The following MYCT1 variants were observed in gnomAD, a reference collection of about 807,000 sequenced individuals.
The protein encoded by MYCT1 is myc target protein 1.
MYCT1 carries 12 observed loss-of-function variants against 15.0 expected under a neutral mutation model. The observed-to-expected ratio is 0.80, with a 90% confidence interval of 0.51 to 1.29. The LOEUF (loss-of-function observed/expected upper bound fraction) is 1.29. Ranked by LOEUF, MYCT1 falls within the 50% of genes most tolerant of loss-of-function variation. The pLI, the probability that MYCT1 is intolerant of heterozygous loss-of-function variation, is 0.00. For synonymous variants in MYCT1, 104 were observed against 102.7 expected (o/e 1.01, Z -0.07); for missense variants, 287 against 279.1 (o/e 1.03, Z -0.20).
intron 1 of MYCT1, among the ~76,000 whole-genome samples, chr6:152,707,553 A>G (rs1435057166): frequency 1.3e-5 from 2 of 151,948 alleles, no homozygotes; most frequent in Non-Finnish European, 2.9e-5. Flanking sequence ...GTGCTGTCAT[A>G]TGCAAAAATA....
chr6:152,739,503 TGA>T, the MYCT1 span, among the ~76,000 whole-genome samples: 2 of 152,084 alleles, frequency 1.3e-5, no homozygotes, highest in Middle Eastern at 7.9e-3. Context: ...TTTTGCAAGA[TGA>T]GAGTTTCTAT....
downstream of MYCT1, among the ~76,000 whole-genome samples, chr6:152,725,206 TAA>T (rs1454874865): frequency 1.3e-5 from 2 of 152,020 alleles, no homozygotes; most frequent in Non-Finnish European, 2.9e-5. Context: ...AGAAAGAAGT[TAA>T]GTTAATATAA....
At position 152,723,031 on chromosome 6, in the gene MYCT1, G is replaced by C. The variant is rs1454636407; in HGVS notation, c.*778G>C. ...TGCTGGAATTAGCCTGGCCAATCTT[G>C]GATTTTTAATGGAATATGTGGGCAC... On this transcript the variant is annotated 3_prime_UTR_variant, in exon 2 of 2. Transcript: ENST00000367245. 6.4e-6 allele frequency: 1 copy of C among 155,940 alleles called. No individual in the cohort carries two copies. Among genetic ancestry groups the C allele is most frequent in the African/African-American group, 2.4e-5 (1 of 41,492 alleles). The allele number at this position is 155,940 out of a possible 1,614,324, so 9.7% of individuals were successfully genotyped here.
chr6:152,715,493 A>G (rs2129069890), intron 1 of MYCT1, among the ~76,000 whole-genome samples: 1 of 152,328 alleles, frequency 6.6e-6, no homozygotes, highest in East Asian at 1.9e-4. Context: ...AACCTTCCAG[A>G]TATATGTTAT....
rs201979543 is a variant in MYCT1 at position 152,697,990 on chromosome 6, G to T, written c.88G>T (p.Asp30Tyr). ...QRDRIKLLFFDILVFLSVFLL... is the reference protein window; with the variant it reads ...QRDRIKLLFFYILVFLSVFLL... ...AGATAGAATCAAACTGCTTTTTTTC[G>T]ACATACTGGTTTTTCTTTCTGTTTT... Residue 30 changes from aspartate to tyrosine, a missense_variant, in exon 1 of 2, where the codon GAC becomes TAC. Coordinates refer to ENST00000367245, the MANE Select transcript of MYCT1 (RefSeq NM_025107.3). 1.9e-6 allele frequency: 3 copies of T among 1,606,922 alleles called. No individual in the cohort carries two copies. Among genetic ancestry groups the T allele is most frequent in the African/African-American group, 2.7e-5 (2 of 74,292 alleles).
At chr6:152,712,695 C>T (rs1382700391) in intron 1 of MYCT1, among the ~76,000 whole-genome samples, 1 of 152,084 alleles carries the variant, frequency 6.6e-6, no homozygotes, top group Non-Finnish European at 1.5e-5. Context: ...TTAAGGGATA[C>T]TTTTGCTGGA....
intron 1 of MYCT1, among the ~76,000 whole-genome samples, chr6:152,699,624 A>T (rs1402044824): frequency 6.6e-6 from 1 of 152,172 alleles, no homozygotes; most frequent in African/African-American, 2.4e-5. Flanking sequence ...TCTAAATCAA[A>T]TTCATCATTA....
At chr6:152,738,775 G>A in the MYCT1 span, among the ~76,000 whole-genome samples, 832 of 152,068 alleles carry the variant, frequency 5.5e-3, no homozygotes, top group South Asian at 8.7e-3. Context: ...CAGAAGGTTG[G>A]ACTAATGTGT....
At chr6:152,725,581 C>T (rs1005534538), downstream of MYCT1, among the ~76,000 whole-genome samples, 3 of 152,132 alleles carry the variant, frequency 2.0e-5, no homozygotes, top group East Asian at 1.9e-4. Flanking sequence ...CCACCATGCC[C>T]GGCCCACAAT....
At chr6:152,735,395 G>A in the MYCT1 span, among the ~76,000 whole-genome samples, 30 of 152,144 alleles carry the variant, frequency 2.0e-4, no homozygotes, top group East Asian at 5.8e-3. Flanking sequence ...TAGTAATATT[G>A]AAATTTGAAA....
chr6:152,740,120 C>T, the MYCT1 span, among the ~76,000 whole-genome samples: 3 of 152,156 alleles, frequency 2.0e-5, no homozygotes, highest in African/African-American at 7.2e-5. Flanking sequence ...AATCTCAGCT[C>T]ACCACAACCT....
At chr6:152,744,644 T>A in the MYCT1 span, among the ~76,000 whole-genome samples, 1 of 152,062 alleles carries the variant, frequency 6.6e-6, no homozygotes, top group Non-Finnish European at 1.5e-5. Context: ...TTCCAAGCCA[T>A]GGCCTAGGGG....
downstream of MYCT1, among the ~76,000 whole-genome samples, chr6:152,728,258 G>A (rs891299413): frequency 6.6e-6 from 1 of 152,042 alleles, no homozygotes; most frequent in Non-Finnish European, 1.5e-5. Context: ...TTAGATTACT[G>A]ACTACAGTTG....
chr6:152,746,501 A>G, the MYCT1 span, among the ~76,000 whole-genome samples: 1 of 152,234 alleles, frequency 6.6e-6, no homozygotes, highest in Non-Finnish European at 1.5e-5. Flanking sequence ...GGAATTTTCC[A>G]TTAATGTTTT....
intron 1 of MYCT1, chr6:152,706,217 T>C: frequency 2.6e-6 from 2 of 775,038 alleles, no homozygotes; most frequent in Non-Finnish European, 4.6e-6. Context: ...AGAAGTCAGT[T>C]GGAGAAAATG....
chr6:152,737,732 C>G, the MYCT1 span, among the ~76,000 whole-genome samples: 2 of 152,096 alleles, frequency 1.3e-5, no homozygotes, highest in Non-Finnish European at 2.9e-5. Context: ...AAATCAGTAA[C>G]TGCTCTTTCA....
chr6:152,742,744 C>T, the MYCT1 span, among the ~76,000 whole-genome samples: 1 of 152,122 alleles, frequency 6.6e-6, no homozygotes, highest in Non-Finnish European at 1.5e-5. Flanking sequence ...TGATTTCCCC[C>T]ATCACACATA....
intron 1 of MYCT1, among the ~76,000 whole-genome samples, chr6:152,703,953 TTATTTTA>T (rs1418014393): frequency 3.5e-5 from 1 of 28,802 alleles, no homozygotes; most frequent in African/African-American, 8.2e-5. Flanking sequence ...TTATTTTATT[TTATTTTA>T]TTTTATTTTA....
the MYCT1 span, among the ~76,000 whole-genome samples, chr6:152,736,763 G>A: frequency 4.0e-5 from 6 of 151,792 alleles, no homozygotes; most frequent in South Asian, 2.1e-4. Context: ...CTTACTTCTC[G>A]GAATAAAAAA....
Sources: gnomAD v4.1 joint callset for allele counts (sites outside exome capture counted in the v4.1 genomes callset) on GRCh38, gnomAD v4.1.1 for gene constraint, MANE v1.5 for transcripts, NCBI Gene and HGNC (gene_info 2026-07-23, HGNC 2026-07-21) for gene names.